SPTB: variants seen among roughly 807,000 people sequenced by gnomAD.
SPTB encodes the protein spectrin beta chain, erythrocytic.
Under a neutral mutation model 256.2 loss-of-function variants are expected in SPTB, and 45 were observed. The observed-to-expected ratio is 0.18, with a 90% CI of 0.14 to 0.23. The LOEUF (loss-of-function observed/expected upper bound fraction) is 0.23. Among genes scored for constraint, SPTB ranks in the 10% least tolerant of loss-of-function variants. The pLI, the probability that SPTB is intolerant of heterozygous loss-of-function variation, is 1.00. For synonymous variants in SPTB, 1,231 were observed against 1,243.1 expected (o/e 0.99, Z 0.21); for missense variants, 2,715 against 3,040.4 (o/e 0.89, Z 2.52).
At position 64,764,243 on chromosome 14, in the gene SPTB, T is replaced by G. The variant is rs547052149; in HGVS notation, c.6345+2483A>C. Among the ~76,000 whole-genome samples, 2 of 152,340 alleles carry G rather than the reference T, an allele frequency of 1.3e-5. No individual in the cohort carries two copies. Among genetic ancestry groups the G allele is most frequent in the Admixed American group, 1.3e-4 (2 of 15,302 alleles). On this transcript the variant is annotated intron_variant, in intron 32 of 35. Coordinates refer to ENST00000644917, the MANE Select transcript of SPTB (RefSeq NM_001355436.2). This position sits in a 1 kb window ranked among gnomAD's most constrained non-coding sequence, Gnocchi z 4.2. ...CCAGCCACTGGGCTTGCAAGGAGCC[T>G]TCTAGAGCCAGGTTGGGCTTTCCCG...
rs2083822187 is a variant in SPTB, at chr14:64,853,710, T to C, written c.-52+26082A>G. Among the ~76,000 whole-genome samples the C allele has an allele frequency of 6.6e-6, 1 of 152,088 alleles. No individual in the cohort carries two copies. Among genetic ancestry groups the C allele is most frequent in the Non-Finnish European group, 1.5e-5 (1 of 68,024 alleles). On this transcript the variant is annotated intron_variant, in intron 1 of 35. Transcript: ENST00000644917. This position sits in a 1 kb window ranked among gnomAD's most constrained non-coding sequence, Gnocchi z 4.3. ...TCAATGGGAAAGACCTGAACTTATC[T>C]ATAGGCAAGAGTGAAACAGCAAGAG...
intron 25 of SPTB, 75 bp from the exon 26 acceptor site, chr14:64,773,029 T>C (rs2139504723): frequency 1.9e-6 from 3 of 1,577,520 alleles, no homozygotes; most frequent in South Asian, 1.1e-5. Flanking sequence ...AGCCAAAGAC[T>C]TTCCCAGGCA....
rs1376705904 is a variant in SPTB at position 64,796,825 on chromosome 14, C to T, written c.1183-110G>A. On this transcript the variant is annotated intron_variant, in intron 10 of 35. Transcript: ENST00000644917. The surrounding 1 kb of genome is among the most constrained non-coding windows in gnomAD (Gnocchi z 4.1). ...GTGATTTCTGGAATCAAGGTACAGC[C>T]TGATGCTCTTGGGTGACGTGGTAGC... The T allele has an allele frequency of 7.1e-7, 1 of 1,410,900 alleles. No individual in the cohort carries two copies. Among genetic ancestry groups the T allele is most frequent in the African/African-American group, 1.4e-5 (1 of 70,766 alleles). The allele number at this position is 1,410,900 out of a possible 1,614,324, so 87.4% of individuals were successfully genotyped here.
intron 1 of SPTB, among the ~76,000 whole-genome samples, chr14:64,864,506 G>A (rs1882043089): frequency 6.6e-6 from 1 of 152,126 alleles, no homozygotes; most frequent in Non-Finnish European, 1.5e-5. Context: ...AGACGTCCAA[G>A]GTGTTTCATC....
rs955071036 is a variant in SPTB at position 64,816,436 on chromosome 14, C to T, written c.148+6511G>A. ...TGTGAAGTGGCCCCTGCCTGCCCTC[C>T]TATCACCACCACCAACCCTGCACTC... On this transcript the variant is annotated intron_variant, in intron 2 of 35. Transcript: ENST00000644917. The surrounding 1 kb of genome is among the most constrained non-coding windows in gnomAD (Gnocchi z 4.2). Among the ~76,000 whole-genome samples, 1 of 152,222 alleles carries T rather than the reference C, an allele frequency of 6.6e-6. No homozygotes were observed. Among genetic ancestry groups the T allele is most frequent in the African/African-American group, 2.4e-5 (1 of 41,466 alleles).
chr14:64,776,977 A>C (rs1447521092), intron 22 of SPTB, among the ~76,000 whole-genome samples: 1 of 152,242 alleles, frequency 6.6e-6, no homozygotes, highest in Non-Finnish European at 1.5e-5. Flanking sequence ...ATGCAAATAA[A>C]TGAATAAACA....
chr14:64,788,564 G>A (rs1053218226), intron 15 of SPTB, among the ~76,000 whole-genome samples: 11 of 152,208 alleles, frequency 7.2e-5, no homozygotes, highest in African/African-American at 2.7e-4. Flanking sequence ...AGGAAATCAA[G>A]GGGTTTTCTC....
rs2083938206 is a variant in SPTB, at chr14:64,859,931, A to T, written c.-52+19861T>A. Among the ~76,000 whole-genome samples the T allele has an allele frequency of 4.6e-5, 7 of 152,288 alleles. No individual in the cohort carries two copies. The South Asian group carries it at 1.4e-3, about 32-fold the overall frequency. On this transcript the variant is annotated intron_variant, in intron 1 of 35. Coordinates refer to ENST00000644917, the MANE Select transcript of SPTB (RefSeq NM_001355436.2). ...GAAAAAAAAAAATTAAGTGTTTCTGAAAAGACTGTGAATAAAAAGTTAAAT... is the reference window on the plus strand; with the variant it reads ...GAAAAAAAAAAATTAAGTGTTTCTGTAAAGACTGTGAATAAAAAGTTAAAT...
Position 64,793,959 on chromosome 14 carries a change from C to T in SPTB, c.1796-92G>A. On this transcript the variant is annotated intron_variant, in intron 13 of 35. Transcript: ENST00000644917. This position sits in a 1 kb window ranked among gnomAD's most constrained non-coding sequence, Gnocchi z 7.0. ...AAGCTGCTAGGTTGGAACTACACAA[C>T]CCTGAAGCTGCCATGTCACTGGGGC... 1 of 1,365,388 alleles carries T rather than the reference C, an allele frequency of 7.3e-7. No individual in the cohort carries two copies. Among genetic ancestry groups the T allele is most frequent in the Non-Finnish European group, 9.8e-7 (1 of 1,018,946 alleles). 84.6% of individuals were successfully genotyped at this position (1,365,388 alleles called of 1,614,324 possible). A position where few individuals can be genotyped will look rare whatever the true frequency, so the allele number is the denominator to read the frequency against.
At position 64,779,757 on chromosome 14, in the gene SPTB, G is replaced by A. The variant is rs762650470; in HGVS notation, c.4441C>T (p.Leu1481=). Residue 1481 remains leucine (L), a synonymous_variant, in exon 21 of 36, where the codon CTG becomes TTG. Coordinates refer to ENST00000644917, the MANE Select transcript of SPTB (RefSeq NM_001355436.2). This position sits in a 1 kb window ranked among gnomAD's most constrained non-coding sequence, Gnocchi z 4.2. ...TCCTCTAAGTCCCGGCTGATCTGCA[G>A]CTTGGCTCTGGATGATTCCAGCTGC... The part of the protein sequence containing the change: ...KKQLESSRAK[L]QISRDLEDET... The A allele has an allele frequency of 1.2e-6, 2 of 1,614,156 alleles. No homozygotes were observed. The highest frequency in any genetic ancestry group is 1.1e-5 in the South Asian group (1 of 91,078).
chr14:64,804,058 C>A (rs547963150), intron 3 of SPTB, among the ~76,000 whole-genome samples: 3 of 152,332 alleles, frequency 2.0e-5, no homozygotes, highest in African/African-American at 7.2e-5. Flanking sequence ...CATTTGCTTA[C>A]GGTAACATAA....
chr14:64,816,348 C>G lies in SPTB; in HGVS notation c.148+6599G>C. On this transcript the variant is annotated intron_variant, in intron 2 of 35. Coordinates refer to ENST00000644917, the MANE Select transcript of SPTB (RefSeq NM_001355436.2). This position sits in a 1 kb window ranked among gnomAD's most constrained non-coding sequence, Gnocchi z 4.2. ...TTCCCTCCTTAAACTCCACAGCCAC[C>G]CCTTTTGAGTTTTTCTCTGCTTCCT... is the stretch of plus-strand genomic sequence containing the variant. 6.6e-6 allele frequency among the ~76,000 whole-genome samples: 1 copy of G among 152,130 alleles called. No homozygotes were observed.
intron 1 of SPTB, among the ~76,000 whole-genome samples, chr14:64,878,516 G>A (rs186031879): frequency 1.3e-5 from 2 of 152,178 alleles, no homozygotes; most frequent in African/African-American, 4.8e-5. Flanking sequence ...AGGGGTGGGC[G>A]AAGAGGGAAT....
At chr14:64,803,905 A>G in intron 3 of SPTB, 125 bp from the exon 4 acceptor site, 1 of 964,424 alleles carries the variant, frequency 1.0e-6, no homozygotes, top group South Asian at 1.6e-5. Context: ...ACCAAGTCCC[A>G]TGGTCATTCA....
intron 32 of SPTB, among the ~76,000 whole-genome samples, chr14:64,761,996 A>G (rs2082102915): frequency 6.6e-6 from 1 of 152,192 alleles, no homozygotes; most frequent in African/African-American, 2.4e-5. Flanking sequence ...AAGAGTCGTC[A>G]GAACAGAGGG....
Position 64,797,787 on chromosome 14 carries a change from G to A in SPTB, c.1124C>T (p.Ala375Val), listed in dbSNP as rs766483443. The A allele has an allele frequency of 1.2e-5, 20 of 1,613,970 alleles. No individual in the cohort carries two copies. Among genetic ancestry groups the A allele is most frequent in the East Asian group, 8.9e-5 (4 of 44,898 alleles). The change falls in exon 10 of 36, where the codon GCC becomes GTC. Residue 375 changes from alanine (A) to valine (V), a missense_variant. Ala to Val is a moderately conservative substitution (Grantham distance 64). This residue lies in a region of SPTB where 416 missense variants were observed against 571.1 expected (regional missense o/e 0.73). Coordinates refer to ENST00000644917, the MANE Select transcript of SPTB (RefSeq NM_001355436.2). The part of the protein sequence containing the change: ...LLFTIQSRMR[A>V]NNQKVYTPHD... ...GGGTGTGTACACTTTCTGATTGTTG[G>A]CTCTCATCCGGGACTGGATGGTAAA...
chr14:64,749,226 G>A lies in SPTB; in HGVS notation c.*80C>T. 1 of 1,494,742 alleles carries A rather than the reference G, an allele frequency of 6.7e-7. No homozygotes were observed. The highest frequency in any genetic ancestry group is 9.0e-7 in the Non-Finnish European group (1 of 1,112,524). 92.6% of individuals were successfully genotyped at this position (1,494,742 alleles called of 1,614,324 possible). Reference sequence around the variant, plus strand: ...CGACTCATCTCGATTCGACCGGCGGGCGGCGGCGAGAGGAGGCCAAGGCCT... The same window carrying A: ...CGACTCATCTCGATTCGACCGGCGGACGGCGGCGAGAGGAGGCCAAGGCCT... On this transcript the variant is annotated 3_prime_UTR_variant, in exon 36 of 36. Coordinates refer to ENST00000644917, the MANE Select transcript of SPTB (RefSeq NM_001355436.2). This position sits in a 1 kb window ranked among gnomAD's most constrained non-coding sequence, Gnocchi z 4.7.
rs570886714 is a variant in SPTB, at chr14:64,757,923, G to A, written c.6346-4130C>T. Reference sequence around the variant, plus strand: ...GCCCTCTTCCTGCTCTCCCATCCAGGACCAACAGCAGAGGGCCTCCTGAGA... The same window carrying A: ...GCCCTCTTCCTGCTCTCCCATCCAGAACCAACAGCAGAGGGCCTCCTGAGA... On this transcript the variant is annotated intron_variant, in intron 32 of 35. Transcript: ENST00000644917. Among the ~76,000 whole-genome samples, 3 of 152,274 alleles carry A rather than the reference G, an allele frequency of 2.0e-5. No individual in the cohort carries two copies. The South Asian group carries it at 6.2e-4, about 32-fold the overall frequency.
rs1231837549 is a variant in SPTB at position 64,799,102 on chromosome 14, C to T, written c.1064+645G>A. Among the ~76,000 whole-genome samples the T allele has an allele frequency of 5.3e-5, 8 of 149,880 alleles. No homozygotes were observed. In the South Asian group the frequency reaches 8.6e-4, roughly 16 times the overall value. The stretch of plus-strand genomic sequence containing the variant: ...AGTTAGGTGTATGTGTATGAGTGCA[C>T]GGTTGTGTGTGTATGTTTGTGTGTG... On this transcript the variant is annotated intron_variant, in intron 9 of 35. Coordinates refer to ENST00000644917, the MANE Select transcript of SPTB (RefSeq NM_001355436.2).
Sources: allele counts gnomAD v4.1 joint callset (sites outside exome capture counted in the v4.1 genomes callset), GRCh38; gene constraint gnomAD v4.1.1; regional missense constraint gnomAD v4.1.1; non-coding constraint Gnocchi (gnomAD v3.1); transcripts MANE v1.5; gene names NCBI Gene and HGNC (gene_info 2026-07-23, HGNC 2026-07-21).